IKZF1: variants seen among roughly 807,000 people sequenced by gnomAD.
IKZF1 encodes DNA-binding protein Ikaros.
Under a neutral mutation model 51.7 loss-of-function variants are expected in IKZF1, and 10 were observed. The ratio of observed to expected loss-of-function variants is 0.19; its 90% confidence interval spans 0.12 to 0.33. IKZF1 has a LOEUF of 0.33. IKZF1 is among the 10% of genes least tolerant of loss of function. IKZF1 has a pLI of 1.00. For synonymous variants in IKZF1, 280 were observed against 282.3 expected (o/e 0.99, Z 0.08); for missense variants, 484 against 707.5 (o/e 0.68, Z 3.58).
At chr7:50,314,670 C>G (rs1483671981) in intron 1 of IKZF1, among the ~76,000 whole-genome samples, 1 of 152,206 alleles carries the variant, frequency 6.6e-6, no homozygotes, top group Non-Finnish European at 1.5e-5. Flanking sequence ...TCAGGGCAAG[C>G]ACTGTGAAGA....
rs774104151 is a variant in IKZF1 at position 50,382,504 on chromosome 7, G to T, written c.422-36G>T. ...CATCGTCCTCATGTCCCCACGCTGA[G>T]TTTAGTTCTCACCAGCTCTCCTCTC... On this transcript the variant is annotated intron_variant, in intron 4 of 7. Coordinates refer to ENST00000331340, the MANE Select transcript of IKZF1 (RefSeq NM_006060.6). 7.5e-6 allele frequency: 12 copies of T among 1,596,254 alleles called. No homozygotes were observed. The African/African-American group carries it at 1.1e-4, about 14-fold the overall frequency.
intron 3 of IKZF1, among the ~76,000 whole-genome samples, chr7:50,333,825 A>G (rs918140585): frequency 1.3e-4 from 20 of 152,292 alleles, no homozygotes; most frequent in African/African-American, 4.3e-4. Context: ...TGAAAATTCT[A>G]TGTTATTCAT....
intron 2 of IKZF1, among the ~76,000 whole-genome samples, chr7:50,321,959 T>C (rs1178563779): frequency 6.6e-6 from 1 of 152,232 alleles, no homozygotes; most frequent in Non-Finnish European, 1.5e-5. Flanking sequence ...TTAGTTTGTG[T>C]ACACTTACCA....
At position 50,338,067 on chromosome 7, in the gene IKZF1, G is replaced by T. The variant is rs1798198382; in HGVS notation, c.160+10310G>T. Among the ~76,000 whole-genome samples, 9 of 152,076 alleles carry T rather than the reference G, an allele frequency of 5.9e-5. No individual in the cohort carries two copies. In the South Asian group the frequency reaches 1.9e-3, roughly 32 times the overall value. ...TTTTAATATAGCCAGTAATGTTCCA[G>T]AATCTGACATGTGAATTTTAAAAAA... On this transcript the variant is annotated intron_variant, in intron 3 of 7. Transcript: ENST00000331340.
chr7:50,345,500 A>T (rs1404743973), intron 3 of IKZF1, among the ~76,000 whole-genome samples: 2 of 152,196 alleles, frequency 1.3e-5, no homozygotes, highest in Non-Finnish European at 2.9e-5. Flanking sequence ...GCACTCCAGA[A>T]CACATGGGAT....
chr7:50,308,778 G>A (rs1789429278), intron 1 of IKZF1: 1 of 152,402 alleles, frequency 6.6e-6, no homozygotes, highest in Non-Finnish European at 1.5e-5. Context: ...AGGCCCTGTA[G>A]CCAGGCACCA....
At chr7:50,386,707 T>C (rs1813483635) in intron 5 of IKZF1, among the ~76,000 whole-genome samples, 1 of 152,098 alleles carries the variant, frequency 6.6e-6, no homozygotes, top group African/African-American at 2.4e-5. Context: ...GTATTACATA[T>C]ACATATGCAT....
At chr7:50,339,910 A>G (rs981174002) in intron 3 of IKZF1, among the ~76,000 whole-genome samples, 8 of 152,218 alleles carry the variant, frequency 5.3e-5, no homozygotes, top group African/African-American at 1.9e-4. Flanking sequence ...CTAAATTACT[A>G]TGATTTTTCC....
intron 3 of IKZF1, among the ~76,000 whole-genome samples, chr7:50,344,232 T>A (rs939090760): frequency 2.6e-5 from 4 of 152,176 alleles, no homozygotes; most frequent in Admixed American, 2.0e-4. Flanking sequence ...TGTAAAGTGG[T>A]ATTTCAAAAA....
chr7:50,359,668 G>A (rs1024155785), intron 3 of IKZF1, among the ~76,000 whole-genome samples: 1 of 152,232 alleles, frequency 6.6e-6, no homozygotes, highest in African/African-American at 2.4e-5. Context: ...GTGCACACGT[G>A]GTCACTCATG....
At chr7:50,308,594 G>A (rs1027488454) in intron 1 of IKZF1, 2 of 152,204 alleles carry the variant, frequency 1.3e-5, no homozygotes, top group African/African-American at 4.8e-5. Flanking sequence ...CATAATTTCT[G>A]AACTCGTTTT....
At chr7:50,388,992 A>G (rs1416862991) in intron 6 of IKZF1, among the ~76,000 whole-genome samples, 2 of 152,256 alleles carry the variant, frequency 1.3e-5, no homozygotes, top group African/African-American at 2.4e-5. Flanking sequence ...AGACAAAATG[A>G]ACAAAAGAAA....
At chr7:50,382,777 C>A in intron 5 of IKZF1, 70 bp downstream of exon 5, 1 of 1,505,558 alleles carries the variant, frequency 6.6e-7, no homozygotes, top group Non-Finnish European at 8.9e-7. Context: ...CCGCCTGGGT[C>A]CCGGATTGTG....
chr7:50,307,229 A>G (rs1014483102), intron 1 of IKZF1, among the ~76,000 whole-genome samples: 3 of 152,334 alleles, frequency 2.0e-5, no homozygotes, highest in East Asian at 1.9e-4. Flanking sequence ...TGGTTAACGA[A>G]GAATTCATCA....
intron 7 of IKZF1, among the ~76,000 whole-genome samples, chr7:50,392,868 T>TG (rs1815567615): frequency 6.6e-6 from 1 of 151,734 alleles, no homozygotes; most frequent in African/African-American, 2.4e-5. Flanking sequence ...AGGGTTGGAG[T>TG]GGGGGCCTAA....
chr7:50,378,847 G>C (rs1811029721), intron 4 of IKZF1, among the ~76,000 whole-genome samples: 1 of 152,206 alleles, frequency 6.6e-6, no homozygotes, highest in Non-Finnish European at 1.5e-5. Flanking sequence ...ATGAACTCAT[G>C]AATTGTTTTC....
intron 3 of IKZF1, chr7:50,368,109 T>C (rs1398084565): frequency 7.1e-6 from 5 of 703,432 alleles, no homozygotes; most frequent in Non-Finnish European, 1.0e-5. Flanking sequence ...CATGCCTTCA[T>C]CTCCTATCAT....
At chr7:50,367,051 A>G (rs1584816514) in intron 3 of IKZF1, among the ~76,000 whole-genome samples, 1 of 152,240 alleles carries the variant, frequency 6.6e-6, no homozygotes, top group South Asian at 2.1e-4. Flanking sequence ...AACAGCTTTC[A>G]AAGTGTCTCT....
chr7:50,314,983 G>A (rs1190254881), intron 1 of IKZF1, among the ~76,000 whole-genome samples: 1 of 152,254 alleles, frequency 6.6e-6, no homozygotes, highest in African/African-American at 2.4e-5. Context: ...AGGTCCCCCA[G>A]GGATGCCTTT....
Sources: allele counts gnomAD v4.1 joint callset (sites outside exome capture counted in the v4.1 genomes callset), GRCh38; gene constraint gnomAD v4.1.1; transcripts MANE v1.5; gene names NCBI Gene and HGNC (gene_info 2026-07-23, HGNC 2026-07-21).